Variants in CDC42SE2 observed in about 807,000 individuals in gnomAD.
CDC42SE2 encodes CDC42 small effector protein 2.
In CDC42SE2, 3 loss-of-function variants were observed where a neutral mutation model predicts 11.5. The ratio of observed to expected loss-of-function variants is 0.26; its 90% CI spans 0.12 to 0.67. The LOEUF (loss-of-function observed/expected upper bound fraction) is 0.67. Ranked by LOEUF, CDC42SE2 falls within the 30% of genes least tolerant of loss-of-function variation. The probability of loss-of-function intolerance (pLI) is 0.80; values close to 1 mark genes in which losing one functional copy is unlikely to be tolerated. For synonymous variants in CDC42SE2, 33 were observed against 34.8 expected (o/e 0.95, Z 0.18); for missense variants, 82 against 106.8 (o/e 0.77, Z 1.02).
At chr5:131,280,779 G>A (rs1368572073) in intron 1 of CDC42SE2, among the ~76,000 whole-genome samples, 1 of 152,060 alleles carries the variant, frequency 6.6e-6, no homozygotes, top group African/African-American at 2.4e-5. Flanking sequence ...TCCTTTAATA[G>A]TAAAATAATT....
At chr5:131,242,421 T>G (rs1489119243), upstream of CDC42SE2, among the ~76,000 whole-genome samples, 1 of 152,148 alleles carries the variant, frequency 6.6e-6, no homozygotes, top group Non-Finnish European at 1.5e-5. Context: ...TCATAAGAAG[T>G]CATTTGTTTA....
chr5:131,357,586 T>C (rs1749588660), intron 2 of CDC42SE2, among the ~76,000 whole-genome samples: 1 of 152,160 alleles, frequency 6.6e-6, no homozygotes. Flanking sequence ...ATGTGTGAGG[T>C]CTCTTTCCAG....
chr5:131,318,799 A>G (rs553040910), intron 2 of CDC42SE2, among the ~76,000 whole-genome samples: 1 of 152,322 alleles, frequency 6.6e-6, no homozygotes, highest in Admixed American at 6.5e-5. Flanking sequence ...TCAATTATAC[A>G]TCTGCATAAT....
chr5:131,385,664 A>T lies in CDC42SE2; in HGVS notation c.156+20A>T, dbSNP rs778941777. 6.6e-7 allele frequency: 1 copy of T among 1,506,562 alleles called. No individual in the cohort carries two copies. 93.3% of individuals were successfully genotyped at this position (1,506,562 alleles called of 1,614,324 possible). On this transcript the variant is annotated intron_variant, in intron 4 of 4. Transcript: ENST00000505065. Reference sequence around the variant, plus strand: ...AATTCAGTAAGTATGTTGGTGGGACATGCAGGTAGGGCATTGGGGCATAGT... The same window carrying T: ...AATTCAGTAAGTATGTTGGTGGGACTTGCAGGTAGGGCATTGGGGCATAGT...
intron 2 of CDC42SE2, among the ~76,000 whole-genome samples, chr5:131,340,686 TC>T (rs1758691030): frequency 8.7e-6 from 1 of 115,392 alleles, no homozygotes; most frequent in Non-Finnish European, 1.6e-5. Context: ...TGTTTGAGTA[TC>T]TTTTTTTTTT....
chr5:131,216,501 C>CAAAA, the CDC42SE2 span, among the ~76,000 whole-genome samples: 16 of 42,138 alleles, frequency 3.8e-4, no homozygotes, highest in African/African-American at 1.6e-3. Context: ...GAACCTGTCT[C>CAAAA]AAAAAAAAAA....
chr5:131,378,660 T>C (rs1242947295), intron 3 of CDC42SE2, among the ~76,000 whole-genome samples: 2 of 152,222 alleles, frequency 1.3e-5, no homozygotes, highest in Admixed American at 6.5e-5. Flanking sequence ...AAAAATAAGA[T>C]ATAAATTGAA....
intron 1 of CDC42SE2, among the ~76,000 whole-genome samples, chr5:131,282,862 C>T (rs1270555863): frequency 6.6e-6 from 1 of 150,732 alleles, no homozygotes; most frequent in Non-Finnish European, 1.5e-5. Context: ...ATCTCCTGAC[C>T]TCGTGATGCG....
intron 1 of CDC42SE2, among the ~76,000 whole-genome samples, chr5:131,308,358 T>A (rs1757824105): frequency 6.6e-6 from 1 of 151,726 alleles, no homozygotes. Flanking sequence ...CCTTGTAGTA[T>A]AGTTTGAAGT....
chr5:131,347,936 A>G (rs1157357035), intron 2 of CDC42SE2, among the ~76,000 whole-genome samples: 1 of 152,256 alleles, frequency 6.6e-6, no homozygotes, highest in East Asian at 1.9e-4. Context: ...GCCTTTGACA[A>G]AATTCAACAA....
chr5:131,285,728 T>A (rs545981950), intron 1 of CDC42SE2, among the ~76,000 whole-genome samples: 1 of 152,184 alleles, frequency 6.6e-6, no homozygotes, highest in African/African-American at 2.4e-5. Flanking sequence ...ATCAGAGGGT[T>A]ATCACTAGAT....
At chr5:131,280,418 G>A (rs1254651921) in intron 1 of CDC42SE2, among the ~76,000 whole-genome samples, 5 of 151,964 alleles carry the variant, frequency 3.3e-5, no homozygotes, top group African/African-American at 1.2e-4. Context: ...TCACTTTAAC[G>A]AATATTATCA....
intron 1 of CDC42SE2, among the ~76,000 whole-genome samples, chr5:131,286,976 T>A (rs1561572688): frequency 6.6e-6 from 1 of 151,984 alleles, no homozygotes; most frequent in South Asian, 2.1e-4. Flanking sequence ...ATGGGTCAAC[T>A]GTATTTTATT....
At chr5:131,243,298 G>T (rs1756554459), upstream of CDC42SE2, among the ~76,000 whole-genome samples, 1 of 152,134 alleles carries the variant, frequency 6.6e-6, no homozygotes, top group South Asian at 2.1e-4. Context: ...AATAATTTTT[G>T]GCCGGGCGCG....
intron 1 of CDC42SE2, among the ~76,000 whole-genome samples, chr5:131,275,422 A>C (rs1003317623): frequency 1.3e-5 from 2 of 151,118 alleles, no homozygotes; most frequent in Admixed American, 6.6e-5. Context: ...TCAGCCTCCC[A>C]AGTAGCTGGG....
intron 3 of CDC42SE2, 142 bp downstream of exon 3, chr5:131,359,689 A>G: frequency 1.4e-6 from 1 of 700,530 alleles, no homozygotes; most frequent in Non-Finnish European, 2.6e-6. Context: ...GGAACTCCGA[A>G]CATATGTTTA....
At chr5:131,368,741 TC>T (rs1749932924) in intron 3 of CDC42SE2, among the ~76,000 whole-genome samples, 1 of 152,190 alleles carries the variant, frequency 6.6e-6, no homozygotes, top group South Asian at 2.1e-4. Context: ...TGTCTAATCT[TC>T]ACCTCATTCC....
chr5:131,237,863 A>C, the CDC42SE2 span, among the ~76,000 whole-genome samples: 1 of 152,202 alleles, frequency 6.6e-6, no homozygotes, highest in Non-Finnish European at 1.5e-5. Context: ...AAGCACTGGA[A>C]TTACAGGTGT....
chr5:131,350,666 T>TA (rs1236877043), intron 2 of CDC42SE2, among the ~76,000 whole-genome samples: 1 of 151,556 alleles, frequency 6.6e-6, no homozygotes, highest in Non-Finnish European at 1.5e-5. Context: ...TAATTTGACT[T>TA]ACGTATAAAT....
Sources: allele counts gnomAD v4.1 joint callset (sites outside exome capture counted in the v4.1 genomes callset), GRCh38; gene constraint gnomAD v4.1.1; transcripts MANE v1.5; gene names NCBI Gene and HGNC (gene_info 2026-07-23, HGNC 2026-07-21).